Variants in MMS22L observed in about 807,000 individuals in gnomAD.
MMS22L encodes the protein protein MMS22-like.
MMS22L carries 74 observed loss-of-function variants against 159.1 expected under a neutral mutation model. The observed-to-expected ratio is 0.47, with a 90% confidence interval of 0.39 to 0.56. The LOEUF (loss-of-function observed/expected upper bound fraction) is 0.56, where lower values mean the gene tolerates loss of function less well. Among genes scored for constraint, MMS22L ranks in the 20% least tolerant of loss-of-function variants. MMS22L has a pLI of 0.00. For synonymous variants in MMS22L, 517 were observed against 506.9 expected, an observed-to-expected ratio of 1.02 and a Z score of -0.27; for missense variants, 1,351 against 1,422.1, an observed-to-expected ratio of 0.95 and a Z score of 0.80.
intron 14 of MMS22L, among the ~76,000 whole-genome samples, chr6:97,209,594 G>A (rs1160804687): frequency 6.6e-6 from 1 of 151,784 alleles, no homozygotes; most frequent in Non-Finnish European, 1.5e-5. Context: ...ACTGCTTAAG[G>A]TCTCTGACAT....
At chr6:97,238,572 CGTGTGTGTGTGTGT>C (rs71740630) in intron 11 of MMS22L, among the ~76,000 whole-genome samples, 30 of 91,534 alleles carry the variant, frequency 3.3e-4, no homozygotes, top group African/African-American at 1.0e-3. Context: ...TGTCTCATCT[CGTGTGTGTGTGTGT>C]GTGTGTGTGT....
chr6:97,226,193 T>C (rs1037963965), intron 14 of MMS22L, among the ~76,000 whole-genome samples: 2 of 152,140 alleles, frequency 1.3e-5, no homozygotes, highest in Non-Finnish European at 2.9e-5. Flanking sequence ...AGACAGTAAA[T>C]AGTCATTTAA....
chr6:97,225,623 A>G (rs1216652674), intron 14 of MMS22L, among the ~76,000 whole-genome samples: 1 of 145,256 alleles, frequency 6.9e-6, no homozygotes, highest in Non-Finnish European at 1.5e-5. Flanking sequence ...CACAGGCTGG[A>G]GTGCAGTGGC....
intron 22 of MMS22L, 117 bp from the exon 23 acceptor site, chr6:97,151,984 T>C: frequency 1.5e-6 from 1 of 653,230 alleles, no homozygotes; most frequent in South Asian, 2.5e-5. Context: ...ATGTACATCC[T>C]TTTTCTATTT....
Position 97,146,814 on chromosome 6 carries a change from T to G in MMS22L, c.3724A>C (p.Asn1242His), listed in dbSNP as rs927236239. The G allele has an allele frequency of 1.9e-6, 3 of 1,574,274 alleles. No individual in the cohort carries two copies. Among genetic ancestry groups the G allele is most frequent in the African/African-American group, 2.8e-5 (2 of 71,914 alleles). The change falls in exon 25 of 25, where the codon AAT (asparagine) becomes CAT (histidine). Residue 1242 changes from asparagine to histidine, a missense_variant. By Grantham distance (68) the Asn-to-His change is moderately conservative. Transcript: ENST00000683635. ...ATGAATCACAAAATATATTAAGTAT[T>G]ATCATTTTCCAGTCTCTGCATCTCA... is the stretch of plus-strand genomic sequence containing the variant. ...QDEMQRLEND[N>H]T
At chr6:97,203,042 T>G (rs1807350433) in intron 14 of MMS22L, among the ~76,000 whole-genome samples, 1 of 152,186 alleles carries the variant, frequency 6.6e-6, no homozygotes, top group African/African-American at 2.4e-5. Context: ...AACTTACTAC[T>G]TAGAAACACA....
In MMS22L at chr6:97,282,326, C is replaced by T. The variant is rs1816827553; in HGVS notation, c.152G>A (p.Gly51Glu). ...GAGTTTTACCTACCGCTTAAGGGCT[C>T]CGCTGCAGAGGTAGGATTCTCCAGA... is the stretch of plus-strand genomic sequence containing the variant. The part of the protein sequence containing the change: ...HFSGESYLCS[G>E]ALKRLILNLD... The change falls in exon 2 of 25, where the codon GGA becomes GAA. Residue 51 changes from glycine to glutamate, a missense_variant. By Grantham distance (98) the Gly-to-Glu change is moderately conservative. Transcript: ENST00000683635. The T allele has an allele frequency of 6.2e-7, 1 of 1,613,990 alleles. No individual in the cohort carries two copies.
At chr6:97,164,556 G>C (rs1802770862) in intron 21 of MMS22L, among the ~76,000 whole-genome samples, 1 of 149,008 alleles carries the variant, frequency 6.7e-6, no homozygotes, top group African/African-American at 2.5e-5. Context: ...AGACTTCAGG[G>C]TGCTTCATTT....
intron 14 of MMS22L, among the ~76,000 whole-genome samples, chr6:97,225,033 AG>A (rs781206339): frequency 8.5e-5 from 13 of 152,342 alleles, no homozygotes; most frequent in Non-Finnish European, 1.2e-4. Flanking sequence ...GCCACAAAAA[AG>A]TCTCTGTTTC....
At chr6:97,214,687 T>TG (rs1237233760) in intron 14 of MMS22L, among the ~76,000 whole-genome samples, 3 of 128,768 alleles carry the variant, frequency 2.3e-5, no homozygotes, top group Admixed American at 2.2e-4. Context: ...TTTTTTTTGT[T>TG]TTTTTTTTTT....
At chr6:97,228,701 A>T (rs1810515091) in intron 14 of MMS22L, among the ~76,000 whole-genome samples, 193 bp downstream of exon 14, 1 of 152,216 alleles carries the variant, frequency 6.6e-6, no homozygotes, top group South Asian at 2.1e-4. Flanking sequence ...AGCTTTTCAT[A>T]TAATAGCATT....
chr6:97,217,203 G>A (rs1020217062), intron 14 of MMS22L, among the ~76,000 whole-genome samples: 3 of 151,978 alleles, frequency 2.0e-5, no homozygotes, highest in Admixed American at 2.0e-4. Context: ...GAAAGTAGGA[G>A]TAATCTTGTA....
At chr6:97,215,091 A>AATATATATATATATATATAT (rs1167446221) in intron 14 of MMS22L, among the ~76,000 whole-genome samples, 11 of 141,280 alleles carry the variant, frequency 7.8e-5, no homozygotes, top group African/African-American at 2.6e-4. Context: ...TCATGTTTTA[A>AATATATATATATATATATAT]ATATATATAT....
intron 10 of MMS22L, chr6:97,254,128 T>C (rs1250683416): frequency 6.5e-6 from 1 of 155,022 alleles, no homozygotes; most frequent in East Asian, 1.9e-4. Flanking sequence ...ACTAAAGAAG[T>C]GCTATTCTGA....
In MMS22L at chr6:97,272,695, A is replaced by C. The variant is rs1815865520; in HGVS notation, c.606+9T>G. 6.3e-7 allele frequency: 1 copy of C among 1,596,050 alleles called. No homozygotes were observed. Among genetic ancestry groups the C allele is most frequent in the Non-Finnish European group, 8.5e-7 (1 of 1,172,298 alleles). ...TGATAATTTAAAAATCAAATGAAACAAGTCAAACCTTAATCTGGTTTTGAT... is the reference window on the plus strand; with the variant it reads ...TGATAATTTAAAAATCAAATGAAACCAGTCAAACCTTAATCTGGTTTTGAT... On this transcript the variant is annotated intron_variant, in intron 6 of 24. Coordinates refer to ENST00000683635, the MANE Select transcript of MMS22L (RefSeq NM_001350599.2).
intron 14 of MMS22L, among the ~76,000 whole-genome samples, chr6:97,191,784 A>T (rs898281948): frequency 6.6e-6 from 1 of 152,208 alleles, no homozygotes; most frequent in Admixed American, 6.5e-5. Flanking sequence ...ACTTGCTTGT[A>T]TCTGTGAAAC....
At chr6:97,245,873 A>T (rs2128039435) in intron 11 of MMS22L, 1 of 154,904 alleles carries the variant, frequency 6.5e-6, no homozygotes, top group Admixed American at 7.0e-5. Context: ...ACACACACAC[A>T]CACACACACA....
At chr6:97,250,263 T>C (rs888308656) in intron 10 of MMS22L, among the ~76,000 whole-genome samples, 4 of 152,172 alleles carry the variant, frequency 2.6e-5, no homozygotes, top group Non-Finnish European at 5.9e-5. Flanking sequence ...TAAACGTTAG[T>C]ATAGGTAGGA....
chr6:97,214,543 T>TA (rs937311019), intron 14 of MMS22L, among the ~76,000 whole-genome samples: 1 of 152,158 alleles, frequency 6.6e-6, no homozygotes, highest in African/African-American at 2.4e-5. Flanking sequence ...AATAACTTTT[T>TA]AAAAAATCCA....
Sources: allele counts gnomAD v4.1 joint callset (sites outside exome capture counted in the v4.1 genomes callset), GRCh38; gene constraint gnomAD v4.1.1; transcripts MANE v1.5; gene names NCBI Gene and HGNC (gene_info 2026-07-23, HGNC 2026-07-21).